Variants in INSC observed in about 807,000 individuals in gnomAD.
The protein encoded by INSC is INSC spindle orientation adaptor protein, also known as protein inscuteable homolog.
A neutral mutation model predicts 58.6 loss-of-function variants in INSC; 67 were observed. That is an observed-to-expected ratio of 1.14 (90% CI 0.94 to 1.40). The LOEUF is 1.40. Among genes scored for constraint, INSC ranks in the 40% most tolerant of loss-of-function variants. The pLI, the probability that INSC is intolerant of heterozygous loss-of-function variation, is 0.00. For missense variants in INSC, 714 were observed against 692.0 expected (o/e 1.03, Z -0.36); for synonymous variants, 262 against 276.1 (o/e 0.95, Z 0.51).
At chr11:15,122,919 A>G (rs1847906562) in intron 1 of INSC, among the ~76,000 whole-genome samples, 1 of 152,126 alleles carries the variant, frequency 6.6e-6, no homozygotes, top group African/African-American at 2.4e-5. Context: ...ATTGATCTTA[A>G]GATAAAGACC....
At chr11:15,150,863 C>T (rs1455370408) in intron 2 of INSC, among the ~76,000 whole-genome samples, 1 of 152,164 alleles carries the variant, frequency 6.6e-6, no homozygotes, top group Non-Finnish European at 1.5e-5. Flanking sequence ...GCATGTAGAC[C>T]TTGGAATCAG....
intron 5 of INSC, 140 bp from the exon 6 acceptor site, chr11:15,190,561 C>G: frequency 1.4e-6 from 1 of 691,810 alleles, no homozygotes; most frequent in Non-Finnish European, 2.7e-6. Context: ...CTTCATTGCA[C>G]TCACAATGAG....
chr11:15,190,693 CTT>C lies in INSC; in HGVS notation c.580-7_580-6del. On this transcript the variant is annotated splice_region_variant and splice_polypyrimidine_tract_variant and intron_variant, in intron 5 of 12. Transcript: ENST00000379556. ...TAACTACTAGCTAACTTTTCTCTCT[CTT>C]CTTAGGCACTGGTGAGAAAAATTGA... is the stretch of plus-strand genomic sequence containing the variant. 1.2e-6 allele frequency: 2 copies of C among 1,601,708 alleles called. No individual in the cohort carries two copies. Among genetic ancestry groups the C allele is most frequent in the African/African-American group, 2.7e-5 (2 of 74,786 alleles).
intron 5 of INSC, 139 bp downstream of exon 5, chr11:15,178,586 C>A: frequency 9.4e-7 from 1 of 1,061,982 alleles, no homozygotes; most frequent in Non-Finnish European, 1.3e-6. Flanking sequence ...CCACCAAAGT[C>A]AACTCCAGCA....
upstream of INSC, among the ~76,000 whole-genome samples, chr11:15,114,135 A>C (rs4564318): frequency 2.9e-3 from 434 of 150,762 alleles, 4 homozygotes; most frequent in Middle Eastern, 0.017. Context: ...GGGGAGGGGG[A>C]GTTGTATGAA....
Position 15,200,842 on chromosome 11 carries a change from C to T in INSC, c.712C>T (p.Leu238Phe). 3 of 1,614,018 alleles carry T rather than the reference C, an allele frequency of 1.9e-6. No homozygotes were observed. In the East Asian group the frequency reaches 6.7e-5, roughly 36 times the overall value. ...IIAKEGGVVA[L>F]FKVCRQDSFR... is the part of the protein sequence containing the mutation. ...TTGGCAGGAGGGTGGGGTCGTAGCA[C>T]TCTTCAAGGTTTGCCGGCAGGACAG... Residue 238 changes from leucine to phenylalanine, a missense_variant, in exon 7 of 13, where the codon CTC becomes TTC. Transcript: ENST00000379556.
At chr11:15,235,421 A>T (rs140600519) in intron 9 of INSC, among the ~76,000 whole-genome samples, 181 bp from the exon 10 acceptor site, 3,477 of 152,310 alleles carry the variant, frequency 0.023, 66 homozygotes, top group Middle Eastern at 0.082. Flanking sequence ...CCGGGGAAAT[A>T]CATCTGGGTG....
chr11:15,118,230 G>C (rs941821411), intron 1 of INSC, among the ~76,000 whole-genome samples: 1 of 152,198 alleles, frequency 6.6e-6, no homozygotes, highest in South Asian at 2.1e-4. Flanking sequence ...GGTCTGTGAG[G>C]CTAAGTGGTC....
In INSC at chr11:15,183,339, A is replaced by G. The variant is rs139619756; in HGVS notation, c.579+4892A>G. Among the ~76,000 whole-genome samples the G allele has an allele frequency of 8.5e-3, 1,250 of 146,988 alleles. 11 individuals carry two copies. The highest frequency in any genetic ancestry group is 0.031 in the African/African-American group (1,191 of 38,730). ...GCACTCCAGCCTGGGCAACAAGAGC[A>G]AAACTCCATCTCAAAAAAAAAAAAA... On this transcript the variant is annotated intron_variant, in intron 5 of 12. Coordinates refer to ENST00000379556, the MANE Select transcript of INSC (RefSeq NM_001042536.3).
chr11:15,238,901 T>C lies in INSC; in HGVS notation c.1238-18T>C. 6.2e-7 allele frequency: 1 copy of C among 1,611,052 alleles called. No individual in the cohort carries two copies. Among genetic ancestry groups the C allele is most frequent in the South Asian group, 1.1e-5 (1 of 90,566 alleles). On this transcript the variant is annotated intron_variant, in intron 10 of 12. Coordinates refer to ENST00000379556, the MANE Select transcript of INSC (RefSeq NM_001042536.3). The stretch of plus-strand genomic sequence containing the variant: ...CCATGCTGGGGTAGGTACCAACTGT[T>C]CCTTGCTTCCTGCCTAGGGGTCCAG...
intron 2 of INSC, among the ~76,000 whole-genome samples, chr11:15,175,206 A>T (rs1714378): frequency 0.52 from 78,862 of 152,040 alleles, 21,310 homozygotes; most frequent in East Asian, 0.94. Context: ...TTCTAACATT[A>T]TTGTAATAAT....
the INSC span, among the ~76,000 whole-genome samples, chr11:15,259,968 TGAGA>T: frequency 9.2e-5 from 14 of 152,068 alleles, no homozygotes; most frequent in Middle Eastern, 3.2e-3. Flanking sequence ...TACTCTGATG[TGAGA>T]GAGAATCTGA....
intron 1 of INSC, among the ~76,000 whole-genome samples, chr11:15,124,398 T>C (rs1025746102): frequency 2.0e-5 from 3 of 152,116 alleles, no homozygotes; most frequent in Admixed American, 6.5e-5. Context: ...TCATTGGTGA[T>C]GAGAAATTAG....
intron 11 of INSC, 39 bp downstream of exon 11, chr11:15,239,113 G>T: frequency 6.3e-7 from 1 of 1,583,298 alleles, no homozygotes; most frequent in Non-Finnish European, 8.6e-7. Flanking sequence ...AGTGGAGTGG[G>T]GGTATTGGGG....
intron 1 of INSC, among the ~76,000 whole-genome samples, chr11:15,118,060 A>G (rs1275867975): frequency 6.6e-6 from 1 of 152,074 alleles, no homozygotes. Context: ...ACCCTGCCCA[A>G]CTCAGGGCTC....
chr11:15,198,248 T>C (rs1387130003), intron 6 of INSC, among the ~76,000 whole-genome samples: 2 of 152,122 alleles, frequency 1.3e-5, no homozygotes, highest in East Asian at 1.9e-4. Context: ...CTCAGACATA[T>C]AGCTATTGTA....
chr11:15,188,193 A>T, intron 5 of INSC: 1 of 985,444 alleles, frequency 1.0e-6, no homozygotes, highest in Non-Finnish European at 1.2e-6. Context: ...GCCCCCACTC[A>T]CAAGCTCGGG....
chr11:15,153,791 A>G (rs1171657316), intron 2 of INSC, among the ~76,000 whole-genome samples: 1 of 152,172 alleles, frequency 6.6e-6, no homozygotes, highest in Non-Finnish European at 1.5e-5. Flanking sequence ...CATCTATGCC[A>G]TCCCTTCATT....
At chr11:15,265,544 T>C in the INSC span, among the ~76,000 whole-genome samples, 1 of 151,880 alleles carries the variant, frequency 6.6e-6, no homozygotes, top group Non-Finnish European at 1.5e-5. Flanking sequence ...TAATTCGTGT[T>C]TCAATTACTT....
Sources: gnomAD v4.1 joint callset for allele counts (sites outside exome capture counted in the v4.1 genomes callset) on GRCh38, gnomAD v4.1.1 for gene constraint, MANE v1.5 for transcripts, NCBI Gene and HGNC (gene_info 2026-07-23, HGNC 2026-07-21) for gene names.